The following CPXM2 variants were observed in gnomAD, a reference collection of about 807,000 sequenced individuals.
CPXM2 encodes the protein carboxypeptidase X, M14 family member 2, also known as inactive carboxypeptidase-like protein X2.
A neutral mutation model predicts 86.1 loss-of-function variants in CPXM2; 66 were observed. The observed-to-expected ratio is 0.77, with a 90% confidence interval of 0.63 to 0.94. CPXM2 has a LOEUF of 0.94. CPXM2 is among the 40% of genes least tolerant of loss of function. The pLI, the probability that CPXM2 is intolerant of heterozygous loss-of-function variation, is 0.00. For synonymous variants in CPXM2, 388 were observed against 400.2 expected, an observed-to-expected ratio of 0.97 and a Z score of 0.36; for missense variants, 948 against 1,026.3, an observed-to-expected ratio of 0.92 and a Z score of 1.04.
intron 4 of CPXM2, among the ~76,000 whole-genome samples, chr10:123,835,772 C>T (rs558245504): frequency 1.3e-4 from 20 of 152,350 alleles, no homozygotes; most frequent in East Asian, 5.8e-4. Flanking sequence ...CCTGGCCCCA[C>T]GCCTTCTCTC....
At chr10:123,877,494 C>A (rs910940011) in intron 2 of CPXM2, among the ~76,000 whole-genome samples, 1 of 152,194 alleles carries the variant, frequency 6.6e-6, no homozygotes, top group African/African-American at 2.4e-5. Context: ...GCTCAGCCTC[C>A]TAGGACCAGT....
intron 2 of CPXM2, among the ~76,000 whole-genome samples, chr10:123,926,994 G>T (rs370075522): frequency 1.1e-3 from 164 of 152,294 alleles, no homozygotes; most frequent in Non-Finnish European, 1.8e-3. Context: ...CTCAGACCTG[G>T]GACAGGTCCT....
intron 1 of CPXM2, among the ~76,000 whole-genome samples, chr10:123,889,691 T>G (rs900699123): frequency 6.6e-6 from 1 of 152,178 alleles, no homozygotes; most frequent in South Asian, 2.1e-4. Context: ...GTCTTCCTAT[T>G]TGCAAACGAT....
At chr10:123,839,307 T>C (rs1389519302) in intron 4 of CPXM2, among the ~76,000 whole-genome samples, 1 of 152,210 alleles carries the variant, frequency 6.6e-6, no homozygotes, top group Non-Finnish European at 1.5e-5. Context: ...GGCTTCTCAA[T>C]CTTCTCTTCC....
chr10:123,780,584 G>A (rs1004024864), intron 6 of CPXM2, among the ~76,000 whole-genome samples: 3 of 152,124 alleles, frequency 2.0e-5, no homozygotes, highest in African/African-American at 7.2e-5. Flanking sequence ...TCCCTCAATG[G>A]TTTATTTTTA....
chr10:123,928,186 C>T (rs1195287001), intron 2 of CPXM2, among the ~76,000 whole-genome samples: 2 of 152,158 alleles, frequency 1.3e-5, no homozygotes, highest in African/African-American at 4.8e-5. Flanking sequence ...CAAGGGAGGC[C>T]ACCAGAGAGC....
At chr10:123,882,764 A>G (rs1035325456) in intron 1 of CPXM2, among the ~76,000 whole-genome samples, 3 of 150,784 alleles carry the variant, frequency 2.0e-5, no homozygotes, top group East Asian at 2.0e-4. Context: ...ACAGCTTCCA[A>G]TGACATGGCC....
Position 123,862,687 on chromosome 10 carries a change from G to C in CPXM2, c.440C>G (p.Thr147Arg). The C allele has an allele frequency of 6.2e-7, 1 of 1,613,414 alleles. No individual in the cohort carries two copies. Among genetic ancestry groups the C allele is most frequent in the Non-Finnish European group, 8.5e-7 (1 of 1,179,942 alleles). The change falls in exon 3 of 14, where the codon ACA becomes AGA. Residue 147 changes from threonine to arginine, a missense_variant. Thr to Arg is a moderately conservative substitution (Grantham distance 71). Transcript: ENST00000241305. Reference sequence around the variant, plus strand: ...CGTGGAGGCATGGAGCTGGAAGTCTGTGATTTTTAAGGTTTCCAGACCAAG... The same window carrying C: ...CGTGGAGGCATGGAGCTGGAAGTCTCTGATTTTTAAGGTTTCCAGACCAAG... ...PPLGLETLKI[T>R]DFQLHASTVK...
At chr10:123,781,940 C>T (rs540993699) in intron 6 of CPXM2, among the ~76,000 whole-genome samples, 2 of 152,330 alleles carry the variant, frequency 1.3e-5, no homozygotes, top group Non-Finnish European at 2.9e-5. Flanking sequence ...TTGAGAACAG[C>T]CCACTTGCAA....
Position 123,801,090 on chromosome 10 carries a change from C to T in CPXM2, c.654-1891G>A, listed in dbSNP as rs193009901. On this transcript the variant is annotated intron_variant, in intron 4 of 13. Coordinates refer to ENST00000241305, the MANE Select transcript of CPXM2 (RefSeq NM_198148.3). ...TCCCACCTTCCCTTCCTCCCTGATA[C>T]GGTTTGGCTGTGTCCTCACCCAAAT... 1.8e-3 allele frequency among the ~76,000 whole-genome samples: 272 copies of T among 152,294 alleles called. 1 individual carries two copies. The highest frequency in any genetic ancestry group is 6.2e-3 in the African/African-American group (259 of 41,552).
At chr10:123,869,243 G>T (rs959366478) in intron 2 of CPXM2, among the ~76,000 whole-genome samples, 1 of 152,188 alleles carries the variant, frequency 6.6e-6, no homozygotes, top group African/African-American at 2.4e-5. Flanking sequence ...TGTTCTGCGG[G>T]GGTTCCCAGC....
intron 4 of CPXM2, among the ~76,000 whole-genome samples, chr10:123,814,854 T>C (rs1847780155): frequency 6.6e-6 from 1 of 152,030 alleles, no homozygotes; most frequent in African/African-American, 2.4e-5. Context: ...CAAAACCCCA[T>C]CTCTACTAAA....
chr10:123,766,637 G>C (rs934183795), intron 10 of CPXM2, among the ~76,000 whole-genome samples: 1 of 152,198 alleles, frequency 6.6e-6, no homozygotes. Flanking sequence ...TAAGCAATCA[G>C]TGAGGGCTAA....
chr10:123,942,107 T>C (rs1945782969), upstream of CPXM2, among the ~76,000 whole-genome samples: 1 of 152,230 alleles, frequency 6.6e-6, no homozygotes, highest in Non-Finnish European at 1.5e-5. Flanking sequence ...GTAATGCAAA[T>C]GGCTCTAGTC....
Position 123,884,607 on chromosome 10 carries a change from G to A in CPXM2, c.305-4298C>T, listed in dbSNP as rs576199316. ...AATGACCTTGACGGGAGCCCGGGGG[G>A]AGGCTGTGGGCTGGACATGGAGGTA... On this transcript the variant is annotated intron_variant, in intron 1 of 13. Coordinates refer to ENST00000241305, the MANE Select transcript of CPXM2 (RefSeq NM_198148.3). 2.8e-4 allele frequency among the ~76,000 whole-genome samples: 43 copies of A among 152,306 alleles called. 2 individuals are homozygous for A. In the South Asian group the frequency reaches 8.7e-3, roughly 31 times the overall value.
upstream of CPXM2, among the ~76,000 whole-genome samples, chr10:123,895,121 C>CTTTTTTTTTTTTTTTT (rs869104432): frequency 1.2e-5 from 1 of 85,890 alleles, no homozygotes; most frequent in African/African-American, 4.1e-5. Flanking sequence ...TCTTTTTTTT[C>CTTTTTTTTTTTTTTTT]TTTTTTTTTT....
At chr10:123,886,252 T>C (rs1945176220) in intron 1 of CPXM2, among the ~76,000 whole-genome samples, 1 of 149,748 alleles carries the variant, frequency 6.7e-6, no homozygotes. Context: ...AAAGTACTTA[T>C]TGAAATATTT....
chr10:123,919,076 G>C (rs1374836264), intron 2 of CPXM2, among the ~76,000 whole-genome samples: 2 of 148,980 alleles, frequency 1.3e-5, no homozygotes, highest in Non-Finnish European at 3.0e-5. Flanking sequence ...TCTGAGCTGT[G>C]CACGTATGGA....
intron 2 of CPXM2, among the ~76,000 whole-genome samples, chr10:123,901,341 GACCCAGTGT>G (rs1318142041): frequency 1.3e-5 from 2 of 152,044 alleles, no homozygotes; most frequent in African/African-American, 4.8e-5. Context: ...CACATGCTGA[GACCCAGTGT>G]TTTTCCAGGG....
Sources: gnomAD v4.1 joint callset for allele counts (sites outside exome capture counted in the v4.1 genomes callset) on GRCh38, gnomAD v4.1.1 for gene constraint, MANE v1.5 for transcripts, NCBI Gene and HGNC (gene_info 2026-07-23, HGNC 2026-07-21) for gene names.